The following SLC67A1 variants were observed in gnomAD, a reference collection of about 807,000 sequenced individuals.
SLC67A1 encodes solute carrier family 67 member A1.
At chr11:2,909,514 G>A in the SLC67A1 span, 1 of 1,441,618 alleles carries the variant, frequency 6.9e-7, no homozygotes, top group Non-Finnish European at 9.2e-7. Context: ...TGGAGGGGCG[G>A]GTCAGGGGGG....
At chr11:2,910,017 C>T in the SLC67A1 span, among the ~76,000 whole-genome samples, 3 of 152,150 alleles carry the variant, frequency 2.0e-5, no homozygotes, top group African/African-American at 7.2e-5. Context: ...GGAGGCCTCC[C>T]AGCAGCCTCC....
At chr11:2,914,769 G>C in the SLC67A1 span, 10 of 985,430 alleles carry the variant, frequency 1.0e-5, no homozygotes, top group East Asian at 1.1e-4. Context: ...AAATAAGGCA[G>C]GTTTTGCCCC....
At chr11:2,900,337 A>AT in the SLC67A1 span, among the ~76,000 whole-genome samples, 1 of 152,118 alleles carries the variant, frequency 6.6e-6, no homozygotes, top group Non-Finnish European at 1.5e-5. Flanking sequence ...GACAAAAGGC[A>AT]TTTGGTCCCC....
chr11:2,903,154 T>C, the SLC67A1 span: 1 of 1,373,434 alleles, frequency 7.3e-7, no homozygotes, highest in East Asian at 2.5e-5. Flanking sequence ...TCCTCTAAGG[T>C]CCAGGTAGCA....
the SLC67A1 span, chr11:2,922,602 G>A: frequency 6.3e-7 from 1 of 1,592,284 alleles, no homozygotes; most frequent in Non-Finnish European, 8.5e-7. Context: ...GGAAGCCCTA[G>A]GAGCTACCCG....
chr11:2,904,722 G>A, the SLC67A1 span, among the ~76,000 whole-genome samples: 1 of 152,236 alleles, frequency 6.6e-6, no homozygotes, highest in Admixed American at 6.5e-5. Context: ...CCACTCCCTC[G>A]GAGCTGGGGG....
chr11:2,919,512 G>T, the SLC67A1 span: 1 of 816,162 alleles, frequency 1.2e-6, no homozygotes, highest in South Asian at 1.6e-5. Context: ...GGAGCCCTTG[G>T]CCTCCCATCT....
chr11:2,905,989 C>G, the SLC67A1 span, among the ~76,000 whole-genome samples: 1 of 152,108 alleles, frequency 6.6e-6, no homozygotes, highest in Non-Finnish European at 1.5e-5. Context: ...TGGGATGTGA[C>G]GCAGGCAGGG....
chr11:2,914,757 G>A, the SLC67A1 span: 3 of 985,414 alleles, frequency 3.0e-6, no homozygotes, highest in Non-Finnish European at 3.6e-6. Flanking sequence ...GGGACATCTG[G>A]CAAATAAGGC....
the SLC67A1 span, chr11:2,909,202 A>T: frequency 1.3e-6 from 2 of 1,528,468 alleles, no homozygotes; most frequent in Non-Finnish European, 1.7e-6. Flanking sequence ...CCAGGTTCGC[A>T]GACCAGCGCG....
chr11:2,906,440 C>T, the SLC67A1 span, among the ~76,000 whole-genome samples: 79,087 of 151,732 alleles, frequency 0.52, 21,170 homozygotes, highest in East Asian at 0.79. Flanking sequence ...CGCGGCACTA[C>T]CTACAATAGC....
At chr11:2,899,838 C>T in the SLC67A1 span, 187 of 935,740 alleles carry the variant, frequency 2.0e-4, no homozygotes, top group Admixed American at 1.4e-3. Context: ...CACACCTCAG[C>T]GCCAGAGGAC....
chr11:2,909,404 C>T, the SLC67A1 span: 3 of 1,488,704 alleles, frequency 2.0e-6, no homozygotes, highest in South Asian at 3.8e-5. Flanking sequence ...TCGGGGGCAG[C>T]CTGCGGAGGA....
chr11:2,924,386 G>A, the SLC67A1 span, among the ~76,000 whole-genome samples: 22 of 152,044 alleles, frequency 1.4e-4, no homozygotes, highest in Non-Finnish European at 2.1e-4. The surrounding 1 kb of genome is among the most constrained non-coding windows in gnomAD (Gnocchi z 8.6). Flanking sequence ...AGGGTGGGGC[G>A]GCTGGAGGAA....
At chr11:2,912,720 C>A in the SLC67A1 span, among the ~76,000 whole-genome samples, 2 of 152,214 alleles carry the variant, frequency 1.3e-5, no homozygotes, top group African/African-American at 4.8e-5. Context: ...GACCCGGGAC[C>A]TGAGTCACTG....
At chr11:2,906,277 G>A in the SLC67A1 span, among the ~76,000 whole-genome samples, 5 of 152,238 alleles carry the variant, frequency 3.3e-5, no homozygotes, top group African/African-American at 1.2e-4. Flanking sequence ...TGGTGGGACT[G>A]TAAACTAGTT....
the SLC67A1 span, chr11:2,919,853 G>C: frequency 6.3e-6 from 1 of 159,842 alleles, no homozygotes; most frequent in Admixed American, 6.4e-5. Context: ...GTCATGGTAG[G>C]ATAAGACGCC....
At chr11:2,914,662 G>T in the SLC67A1 span, 2 of 978,206 alleles carry the variant, frequency 2.0e-6, no homozygotes, top group Non-Finnish European at 2.4e-6. Flanking sequence ...CCGCTCGAGG[G>T]CCTGGCTTCC....
chr11:2,908,159 C>A, the SLC67A1 span: 37 of 1,022,746 alleles, frequency 3.6e-5, no homozygotes, highest in South Asian at 4.5e-4. Context: ...CACCCCCTGC[C>A]CATCCAGGGA....
Sources: allele counts gnomAD v4.1 joint callset (sites outside exome capture counted in the v4.1 genomes callset), GRCh38; gene constraint gnomAD v4.1.1; non-coding constraint Gnocchi (gnomAD v3.1); transcripts MANE v1.5; gene names NCBI Gene and HGNC (gene_info 2026-07-23, HGNC 2026-07-21).